The following ANTXR2 variants were observed in gnomAD, a reference collection of about 807,000 sequenced individuals.
ANTXR2 encodes anthrax toxin receptor 2.
In ANTXR2, 44 loss-of-function variants were observed where a neutral mutation model predicts 73.7. The observed-to-expected ratio is 0.60, with a 90% CI of 0.47 to 0.77. The LOEUF (loss-of-function observed/expected upper bound fraction) is 0.77. Ranked by LOEUF, ANTXR2 falls within the 30% of genes least tolerant of loss-of-function variation. The pLI is 0.00. For synonymous variants in ANTXR2, 217 were observed against 205.9 expected (o/e 1.05, Z -0.46); for missense variants, 604 against 592.5 (o/e 1.02, Z -0.20).
intron 12 of ANTXR2, among the ~76,000 whole-genome samples, chr4:79,994,974 A>T (rs1730654044): frequency 6.6e-6 from 1 of 151,928 alleles, no homozygotes; most frequent in South Asian, 2.1e-4. Context: ...CCTCCTCTCC[A>T]GCCAGCCTGA....
Position 80,071,532 on chromosome 4 carries a change from A to G in ANTXR2, c.224+51T>C. On this transcript the variant is annotated intron_variant, in intron 2 of 16. Coordinates refer to ENST00000403729, the MANE Select transcript of ANTXR2 (RefSeq NM_058172.6). ...AAAGGTTTCAGAAAAGGGAAATTCT[A>G]CACTTTGCTCTACTTCTCCACTGCC... 3 of 1,470,626 alleles carry G rather than the reference A, an allele frequency of 2.0e-6. No individual in the cohort carries two copies. In the South Asian group the frequency reaches 3.4e-5, roughly 17 times the overall value. The allele number at this position is 1,470,626 out of a possible 1,614,324, so 91.1% of individuals were successfully genotyped here. A position where few individuals can be genotyped will look rare whatever the true frequency, so the allele number is the denominator to read the frequency against.
At chr4:79,947,077 G>C (rs1728542033) in intron 16 of ANTXR2, among the ~76,000 whole-genome samples, 1 of 152,116 alleles carries the variant, frequency 6.6e-6, no homozygotes, top group African/African-American at 2.4e-5. Context: ...ATGAATCAAA[G>C]TCCTTACTTC....
At chr4:79,923,237 G>C (rs1277053649) in intron 16 of ANTXR2, among the ~76,000 whole-genome samples, 1 of 152,064 alleles carries the variant, frequency 6.6e-6, no homozygotes, top group African/African-American at 2.4e-5. Context: ...TGACTAGCAA[G>C]CCATAAAACA....
At position 80,069,451 on chromosome 4, in the gene ANTXR2, G is replaced by A. The variant is rs571170248; in HGVS notation, c.281C>T (p.Pro94Leu). The change falls in exon 3 of 17, where the codon CCA becomes CTA. Residue 94 changes from proline to leucine, a missense_variant. Transcript: ENST00000403729. ...VFSSQATIIL[P>L]LTGDRGKISK... is the part of the protein sequence containing the mutation. ...ATGCACTAACCTGTCTCCAGTTAAT[G>A]GCAAAATAATAGTTGCTTGAGAAGA... is the stretch of plus-strand genomic sequence containing the variant. The A allele has an allele frequency of 4.4e-6, 7 of 1,601,852 alleles. No individual in the cohort carries two copies. The South Asian group carries it at 5.6e-5, about 13-fold the overall frequency.
rs571642927 is a variant in ANTXR2, at chr4:80,001,920, T to C, written c.1041+6601A>G. Among the ~76,000 whole-genome samples, 220 of 151,908 alleles carry C rather than the reference T, an allele frequency of 1.4e-3. 7 individuals carry two copies. The East Asian group carries it at 0.037, about 25-fold the overall frequency. On this transcript the variant is annotated intron_variant, in intron 12 of 16. Transcript: ENST00000403729. ...TTGCTTGGTAGATCTTCCTCCATCC[T>C]TTTATTTTGAGCCTATGTGTGTCTC...
intron 16 of ANTXR2, among the ~76,000 whole-genome samples, chr4:79,944,781 C>G (rs1394977057): frequency 6.6e-6 from 1 of 152,138 alleles, no homozygotes; most frequent in African/African-American, 2.4e-5. Flanking sequence ...CTGGCAGACT[C>G]TTCTGCCCTT....
At chr4:80,019,269 A>G (rs890384913) in intron 10 of ANTXR2, among the ~76,000 whole-genome samples, 3 of 152,178 alleles carry the variant, frequency 2.0e-5, no homozygotes, top group African/African-American at 4.8e-5. Context: ...CAGGAGGCTG[A>G]GGCAGGAGAA....
chr4:79,983,383 G>C (rs1311248740), intron 14 of ANTXR2, among the ~76,000 whole-genome samples: 1 of 152,022 alleles, frequency 6.6e-6, no homozygotes, highest in Non-Finnish European at 1.5e-5. Context: ...TTCTATAAAT[G>C]ATATATAATA....
At chr4:80,056,100 C>T (rs1733983611) in intron 3 of ANTXR2, 87 bp from the exon 4 acceptor site, 1 of 852,052 alleles carries the variant, frequency 1.2e-6, no homozygotes, top group African/African-American at 1.8e-5. Flanking sequence ...AGTATTGTAA[C>T]TAAGCTTTCT....
chr4:80,070,472 T>G (rs772764064), intron 2 of ANTXR2, among the ~76,000 whole-genome samples: 121 of 152,340 alleles, frequency 7.9e-4, no homozygotes, highest in Non-Finnish European at 8.7e-4. Context: ...ATTAGAAAAT[T>G]TATAAACAAC....
intron 16 of ANTXR2, among the ~76,000 whole-genome samples, chr4:79,934,239 A>G (rs1040327528): frequency 6.6e-6 from 1 of 152,188 alleles, no homozygotes; most frequent in Non-Finnish European, 1.5e-5. Flanking sequence ...TTTTAAAACC[A>G]AATCTGGCCG....
chr4:79,923,220 A>G (rs1262224241), intron 16 of ANTXR2, among the ~76,000 whole-genome samples: 1 of 152,194 alleles, frequency 6.6e-6, no homozygotes, highest in Non-Finnish European at 1.5e-5. Context: ...TCAGTGCAAT[A>G]ACACAATGAC....
At chr4:79,977,487 G>C in intron 16 of ANTXR2, 134 bp downstream of exon 16, 6 of 1,457,268 alleles carry the variant, frequency 4.1e-6, no homozygotes, top group Non-Finnish European at 5.4e-6. Context: ...CTATGTAATA[G>C]AAATCTACAC....
chr4:79,928,055 G>A (rs1467867763), intron 16 of ANTXR2, among the ~76,000 whole-genome samples: 1 of 152,130 alleles, frequency 6.6e-6, no homozygotes, highest in Non-Finnish European at 1.5e-5. Context: ...ACAGATATTT[G>A]TACACCCATA....
rs773722073 is a variant in ANTXR2 at position 80,033,464 on chromosome 4, G to T, written c.796+8C>A. The T allele has an allele frequency of 6.3e-7, 1 of 1,587,676 alleles. No homozygotes were observed. Among genetic ancestry groups the T allele is most frequent in the East Asian group, 2.3e-5 (1 of 43,936 alleles). ...ATTAAGACAACACTGAGATTACTGG[G>T]GACCTACTCGTTGTATATGTTTCAT... On this transcript the variant is annotated splice_region_variant and intron_variant, in intron 9 of 16. Transcript: ENST00000403729.
intron 16 of ANTXR2, among the ~76,000 whole-genome samples, chr4:79,919,573 C>A (rs546561864): frequency 6.6e-6 from 1 of 152,088 alleles, no homozygotes; most frequent in East Asian, 2.0e-4. Flanking sequence ...GCTTAGTCTT[C>A]TGGCCTATAT....
intron 10 of ANTXR2, among the ~76,000 whole-genome samples, chr4:80,020,983 C>A (rs1336509119): frequency 6.6e-6 from 1 of 151,476 alleles, no homozygotes; most frequent in Non-Finnish European, 1.5e-5. Context: ...CCCGTCTCTA[C>A]TAAAAATACA....
intron 12 of ANTXR2, among the ~76,000 whole-genome samples, chr4:79,987,186 C>T (rs1028642082): frequency 7.9e-5 from 12 of 151,402 alleles, no homozygotes; most frequent in African/African-American, 2.9e-4. Flanking sequence ...GGCGGAGAAG[C>T]CCAGTGAGAT....
At chr4:79,977,523 C>T (rs1729688113) in intron 16 of ANTXR2, 98 bp downstream of exon 16, 2 of 1,516,368 alleles carry the variant, frequency 1.3e-6, no homozygotes, top group Non-Finnish European at 1.8e-6. Context: ...TCCTCAAGTG[C>T]AATAGGGCTT....
Sources: allele counts gnomAD v4.1 joint callset (sites outside exome capture counted in the v4.1 genomes callset), GRCh38; gene constraint gnomAD v4.1.1; transcripts MANE v1.5; gene names NCBI Gene and HGNC (gene_info 2026-07-23, HGNC 2026-07-21).